Variants in ATG7 observed in about 807,000 individuals in gnomAD.
The protein encoded by ATG7 is autophagy related 7, also known as ubiquitin-like modifier-activating enzyme ATG7.
Under a neutral mutation model 82.4 loss-of-function variants are expected in ATG7, and 70 were observed. The ratio of observed to expected loss-of-function variants is 0.85; its 90% CI spans 0.70 to 1.04. The LOEUF is 1.04. Among genes scored for constraint, ATG7 ranks in the 50% least tolerant of loss-of-function variants. The probability of loss-of-function intolerance (pLI) is 0.00; values close to 1 mark genes in which losing one functional copy is unlikely to be tolerated. For synonymous variants in ATG7, 287 were observed against 313.0 expected (o/e 0.92, Z 0.88); for missense variants, 792 against 864.3 (o/e 0.92, Z 1.05).
chr3:11,520,321 T>C (rs1466080638), intron 20 of ATG7, among the ~76,000 whole-genome samples: 1 of 152,188 alleles, frequency 6.6e-6, no homozygotes, highest in Non-Finnish European at 1.5e-5. Flanking sequence ...AACTCAAATG[T>C]CCGAAAGGCC....
intron 5 of ATG7, among the ~76,000 whole-genome samples, chr3:11,305,637 G>A (rs180845050): frequency 2.6e-5 from 4 of 152,282 alleles, no homozygotes; most frequent in Admixed American, 2.6e-4. Context: ...TCACCTGGAT[G>A]AAAAATATTC....
intron 20 of ATG7, among the ~76,000 whole-genome samples, chr3:11,515,539 G>C (rs896259944): frequency 1.3e-5 from 2 of 152,104 alleles, no homozygotes. Flanking sequence ...CCTGATTACA[G>C]GTGGGATTAC....
In ATG7 at chr3:11,554,811, A is replaced by C; in HGVS notation, c.2080A>C (p.Ile694Leu). 1 of 1,613,386 alleles carries C rather than the reference A, an allele frequency of 6.2e-7. No homozygotes were observed. The highest frequency in any genetic ancestry group is 8.5e-7 in the Non-Finnish European group (1 of 1,179,718). ...TGAGCCTCTCCCCTTCTCCATGCAGATCTGGGACATGAGCGATGATGAGAC... is the reference window on the plus strand; with the variant it reads ...TGAGCCTCTCCCCTTCTCCATGCAGCTCTGGGACATGAGCGATGATGAGAC... ...LLHQETQAAE[I>L]WDMSDDETI is the part of the protein sequence containing the mutation. The change falls in exon 21 of 21, where the codon ATC (isoleucine) becomes CTC (leucine). Residue 694 changes from isoleucine to leucine, a missense_variant and splice_region_variant. Transcript: ENST00000693202.
At chr3:11,296,631 T>C (rs1301070343) in intron 3 of ATG7, among the ~76,000 whole-genome samples, 2 of 152,242 alleles carry the variant, frequency 1.3e-5, no homozygotes, top group African/African-American at 2.4e-5. Flanking sequence ...GGCTTCTCCA[T>C]AGGTGTTCAC....
chr3:11,402,418 G>GT, intron 19 of ATG7, among the ~76,000 whole-genome samples: 1 of 152,338 alleles, frequency 6.6e-6, no homozygotes, highest in East Asian at 1.9e-4. Context: ...GGGCAATAGA[G>GT]TGAGACTCCG....
intron 19 of ATG7, among the ~76,000 whole-genome samples, chr3:11,382,283 T>TAG (rs1302270773): frequency 2.0e-5 from 3 of 152,186 alleles, no homozygotes; most frequent in East Asian, 1.9e-4. Context: ...TACACATATA[T>TAG]ATAGAGAGAG....
chr3:11,386,186 A>G (rs1335349966), intron 19 of ATG7, among the ~76,000 whole-genome samples: 8 of 152,174 alleles, frequency 5.3e-5, no homozygotes, highest in Non-Finnish European at 8.8e-5. Flanking sequence ...TATTTTCTTC[A>G]GTGAGTCAGT....
chr3:11,491,264 T>C (rs2090324904), intron 20 of ATG7, among the ~76,000 whole-genome samples: 1 of 152,192 alleles, frequency 6.6e-6, no homozygotes, highest in South Asian at 2.1e-4. Context: ...TTGATTGCAT[T>C]GGCTCCTGAG....
chr3:11,415,219 T>C (rs1267403587), intron 19 of ATG7, among the ~76,000 whole-genome samples: 1 of 152,198 alleles, frequency 6.6e-6, no homozygotes, highest in East Asian at 1.9e-4. Flanking sequence ...AAAAGATTTT[T>C]TTAAAATGGT....
chr3:11,460,922 C>T (rs1243114894), intron 20 of ATG7, among the ~76,000 whole-genome samples: 1 of 152,156 alleles, frequency 6.6e-6, no homozygotes, highest in Non-Finnish European at 1.5e-5. Flanking sequence ...TTGAGAACCA[C>T]CTGGTATGAC....
At chr3:11,511,476 G>C in intron 20 of ATG7, among the ~76,000 whole-genome samples, 1 of 152,236 alleles carries the variant, frequency 6.6e-6, no homozygotes. Context: ...TGTAATCCCT[G>C]AGCTAGATAT....
chr3:11,360,002 A>G (rs1345491871), intron 15 of ATG7, among the ~76,000 whole-genome samples: 2 of 152,226 alleles, frequency 1.3e-5, no homozygotes, highest in Non-Finnish European at 2.9e-5. Flanking sequence ...GACTTTCAGT[A>G]TCCTCATCTA....
chr3:11,308,334 C>T (rs1229687842), intron 6 of ATG7: 1 of 152,330 alleles, frequency 6.6e-6, no homozygotes, highest in Non-Finnish European at 1.5e-5. Context: ...CTCCTAGTCT[C>T]AGTACTTGCT....
At chr3:11,324,939 A>G (rs1321652688) in intron 9 of ATG7, among the ~76,000 whole-genome samples, 7 of 152,206 alleles carry the variant, frequency 4.6e-5, no homozygotes, top group East Asian at 1.9e-4. Flanking sequence ...TCAGTCAACA[A>G]TGGACCACAT....
intron 1 of ATG7, chr3:11,277,112 C>G (rs1015548788): frequency 1.3e-5 from 2 of 152,278 alleles, no homozygotes; most frequent in African/African-American, 4.8e-5. Context: ...GTTGCTATCT[C>G]CTGACTCACA....
downstream of ATG7, among the ~76,000 whole-genome samples, chr3:11,561,580 G>A (rs1344358105): frequency 6.6e-6 from 1 of 152,206 alleles, no homozygotes; most frequent in African/African-American, 2.4e-5. Context: ...CCCTGCCTCT[G>A]TGGTTGAGTG....
intron 20 of ATG7, among the ~76,000 whole-genome samples, chr3:11,496,946 G>A (rs1266316277): frequency 6.6e-6 from 1 of 151,418 alleles, no homozygotes; most frequent in Admixed American, 6.6e-5. Flanking sequence ...TGCAACCTCT[G>A]TTTCAAGTGA....
the ATG7 span, among the ~76,000 whole-genome samples, chr3:11,572,887 G>T: frequency 6.6e-6 from 1 of 152,104 alleles, no homozygotes; most frequent in Admixed American, 6.5e-5. Flanking sequence ...ACCCCCGTAG[G>T]CCAGGCGCAG....
chr3:11,451,218 T>C (rs1287251196), intron 20 of ATG7, among the ~76,000 whole-genome samples: 1 of 151,508 alleles, frequency 6.6e-6, no homozygotes, highest in Non-Finnish European at 1.5e-5. Flanking sequence ...GACACTTTTT[T>C]TTTTTTTTTT....
Sources: allele counts gnomAD v4.1 joint callset (sites outside exome capture counted in the v4.1 genomes callset), GRCh38; gene constraint gnomAD v4.1.1; transcripts MANE v1.5; gene names NCBI Gene and HGNC (gene_info 2026-07-23, HGNC 2026-07-21).